The following MLPH variants were observed in gnomAD, a reference collection of about 807,000 sequenced individuals.
MLPH encodes melanophilin.
A neutral mutation model predicts 72.1 loss-of-function variants in MLPH; 51 were observed. That is an observed-to-expected ratio of 0.71 (90% CI 0.56 to 0.89). The LOEUF is 0.89. Among genes scored for constraint, MLPH ranks in the 40% least tolerant of loss-of-function variants. The probability of loss-of-function intolerance (pLI) is 0.00; values close to 1 mark genes in which losing one functional copy is unlikely to be tolerated. For synonymous variants in MLPH, 301 were observed against 310.1 expected (o/e 0.97, Z 0.31); for missense variants, 743 against 759.9 (o/e 0.98, Z 0.26).
intron 5 of MLPH, among the ~76,000 whole-genome samples, chr2:237,519,512 C>T (rs1056946951): frequency 5.3e-5 from 8 of 152,212 alleles, no homozygotes; most frequent in African/African-American, 1.7e-4. Context: ...AGGAGCTTGC[C>T]CACCTCTGTC....
chr2:237,514,193 G>A (rs142823627), intron 4 of MLPH, among the ~76,000 whole-genome samples: 139 of 152,132 alleles, frequency 9.1e-4, no homozygotes, highest in South Asian at 4.8e-3. Flanking sequence ...AGAATGGGGC[G>A]GGATGCTCTC....
chr2:237,524,763 G>GCCAGGC (rs144000832), intron 6 of MLPH, among the ~76,000 whole-genome samples: 25,208 of 152,120 alleles, frequency 0.17, 2,281 homozygotes, highest in African/African-American at 0.23. Flanking sequence ...TGGGCACAGA[G>GCCAGGC]CCAGGCCCAG....
chr2:237,499,808 G>A (rs2079609263), intron 2 of MLPH, among the ~76,000 whole-genome samples: 1 of 152,066 alleles, frequency 6.6e-6, no homozygotes, highest in Non-Finnish European at 1.5e-5. Context: ...GCAGTGGCGT[G>A]ATCATGGCTC....
At chr2:237,504,645 TG>T (rs1477723900) in intron 2 of MLPH, among the ~76,000 whole-genome samples, 2 of 152,232 alleles carry the variant, frequency 1.3e-5, no homozygotes, top group African/African-American at 4.8e-5. Flanking sequence ...TCCACTCTGT[TG>T]GAGGCCGCCG....
At chr2:237,523,889 G>A (rs1467870558) in intron 6 of MLPH, among the ~76,000 whole-genome samples, 2 of 151,462 alleles carry the variant, frequency 1.3e-5, no homozygotes, top group African/African-American at 2.4e-5. Context: ...GCTATTTACT[G>A]GGAGCAGTGT....
In MLPH at chr2:237,540,834, G is replaced by A. The variant is rs749750007; in HGVS notation, c.1323G>A (p.Gln441=). Residue 441 remains glutamine, a synonymous_variant, in exon 11 of 16, where the codon CAG becomes CAA. Coordinates refer to ENST00000264605, the MANE Select transcript of MLPH (RefSeq NM_024101.7). The part of the protein sequence containing the change: ...VGTAAHQTNR[Q]EKSPQDPGDP... ...CGGCTGCCCATCAAACCAACAGACAGGAAAAAAGCCCCCAGGACCCTGGGG... is the reference window on the plus strand; with the variant it reads ...CGGCTGCCCATCAAACCAACAGACAAGAAAAAAGCCCCCAGGACCCTGGGG... The A allele has an allele frequency of 1.2e-6, 2 of 1,613,342 alleles. No individual in the cohort carries two copies. Among genetic ancestry groups the A allele is most frequent in the South Asian group, 1.1e-5 (1 of 91,066 alleles).
intron 8 of MLPH, among the ~76,000 whole-genome samples, chr2:237,533,442 G>T (rs148453947): frequency 2.3e-5 from 3 of 130,158 alleles, no homozygotes; most frequent in Non-Finnish European, 4.6e-5. Context: ...CACCCAAGCT[G>T]GAGTGCAATG....
chr2:237,539,901 C>T (rs1574892810), intron 9 of MLPH, among the ~76,000 whole-genome samples: 1 of 152,122 alleles, frequency 6.6e-6, no homozygotes, highest in African/African-American at 2.4e-5. Flanking sequence ...CTAAATGAAT[C>T]GTTGGCCAGA....
At position 237,546,655 on chromosome 2, in the gene MLPH, C is replaced by G; in HGVS notation, c.1589C>G (p.Pro530Arg). 2 of 1,614,182 alleles carry G rather than the reference C, an allele frequency of 1.2e-6. No homozygotes were observed. The highest frequency in any genetic ancestry group is 1.7e-6 in the Non-Finnish European group (2 of 1,180,024). Residue 530 changes from proline to arginine, a missense_variant, in exon 13 of 16, where the codon CCA becomes CGA. Physicochemically the swap from Pro to Arg is moderately radical, Grantham distance 103. Transcript: ENST00000264605. ...AGKLGKRPED[P>R]NADPSSEAKA... ...AAACTTGGCAAGAGACCAGAGGACC[C>G]AAATGCAGACCCTTCAAGTGAGGCC...
At chr2:237,552,171 C>A in intron 14 of MLPH, 166 bp from the exon 15 acceptor site, 1 of 602,104 alleles carries the variant, frequency 1.7e-6, no homozygotes, top group Non-Finnish European at 3.0e-6. Context: ...ATTTGCATGA[C>A]AGCTGAAATG....
At position 237,534,565 on chromosome 2, in the gene MLPH, T is replaced by A. The variant is rs754078023; in HGVS notation, c.1022T>A (p.Ile341Asn). Residue 341 changes from isoleucine to asparagine, a missense_variant and splice_region_variant, in exon 9 of 16, where the codon ATC becomes AAC. Transcript: ENST00000264605. ...ACTGTTTCTCTCCTTCTGCTGCAGA[T>A]CTTTGAGCTGAATAAGCATATTTCA... ...RRGRASSESQ[I>N]FELNKHISAV... 2 of 1,613,104 alleles carry A rather than the reference T, an allele frequency of 1.2e-6. No individual in the cohort carries two copies. Among genetic ancestry groups the A allele is most frequent in the Admixed American group, 3.3e-5 (2 of 59,964 alleles).
At chr2:237,544,485 G>T (rs1401232900) in intron 12 of MLPH, among the ~76,000 whole-genome samples, 1 of 37,978 alleles carries the variant, frequency 2.6e-5, no homozygotes, top group Non-Finnish European at 5.1e-5. Context: ...AGTGGTGAGT[G>T]GGGGGGACAG....
chr2:237,528,599 C>G (rs967501212), intron 8 of MLPH, among the ~76,000 whole-genome samples: 3 of 152,150 alleles, frequency 2.0e-5, no homozygotes, highest in African/African-American at 7.2e-5. Context: ...GATCCCCCCA[C>G]CTTGGCCTCC....
intron 13 of MLPH, 121 bp from the exon 14 acceptor site, chr2:237,549,100 G>A (rs2080980387): frequency 2.4e-6 from 2 of 827,414 alleles, no homozygotes; most frequent in African/African-American, 3.4e-5. Context: ...TATTGCTAGA[G>A]AGCAGAAAAT....
intron 13 of MLPH, 31 bp downstream of exon 13, chr2:237,546,714 C>A: frequency 6.3e-7 from 1 of 1,588,014 alleles, no homozygotes; most frequent in Non-Finnish European, 8.7e-7. Context: ...GCCCCAGACA[C>A]CCGACAAAGG....
Position 237,510,710 on chromosome 2 carries a change from G to C in MLPH, c.247G>C (p.Glu83Gln). 1 of 1,613,748 alleles carries C rather than the reference G, an allele frequency of 6.2e-7. No homozygotes were observed. Among genetic ancestry groups the C allele is most frequent in the African/African-American group, 1.3e-5 (1 of 75,066 alleles). ...TGTGAATAGCAAAAGGCAGTGCCTG[G>C]AATGTGGCCTCTTCACCTGCAAAAG... ...LLVNSKRQCL[E>Q]CGLFTCKSCG... The change falls in exon 3 of 16, where the codon GAA (glutamate) becomes CAA (glutamine). Residue 83 changes from glutamate to glutamine, a missense_variant. Transcript: ENST00000264605. The surrounding 1 kb of genome is among the most constrained non-coding windows in gnomAD (Gnocchi z 4.4).
At chr2:237,534,439 G>T in intron 8 of MLPH, 125 bp from the exon 9 acceptor site, 3 of 792,466 alleles carry the variant, frequency 3.8e-6, no homozygotes, top group Non-Finnish European at 6.8e-6. Flanking sequence ...CCATGTCATG[G>T]GTGGTGGCCT....
intron 8 of MLPH, among the ~76,000 whole-genome samples, chr2:237,531,482 T>C (rs2080419677): frequency 6.6e-6 from 1 of 152,232 alleles, no homozygotes; most frequent in Non-Finnish European, 1.5e-5. Context: ...AGAATCAAGT[T>C]GTCTATTTTC....
chr2:237,546,510 G>C, intron 12 of MLPH, 96 bp from the exon 13 acceptor site: 1 of 1,051,220 alleles, frequency 9.5e-7, no homozygotes, highest in Non-Finnish European at 1.5e-6. Context: ...AGCATGTATA[G>C]AGAGCATCCA....
Sources: gnomAD v4.1 joint callset for allele counts (sites outside exome capture counted in the v4.1 genomes callset) on GRCh38, gnomAD v4.1.1 for gene constraint, Gnocchi (gnomAD v3.1) non-coding constraint, MANE v1.5 for transcripts, NCBI Gene and HGNC (gene_info 2026-07-23, HGNC 2026-07-21) for gene names.